DNM2: variants seen among roughly 807,000 people sequenced by gnomAD.
DNM2 encodes dynamin 2.
In DNM2, 15 loss-of-function variants were observed where a neutral mutation model predicts 99.0. That is an observed-to-expected ratio of 0.15 (90% confidence interval 0.10 to 0.23). The LOEUF (loss-of-function observed/expected upper bound fraction) is 0.23, where lower values mean the gene tolerates loss of function less well. Among genes scored for constraint, DNM2 ranks in the 10% least tolerant of loss-of-function variants. The pLI is 1.00. For missense variants in DNM2, 742 were observed against 1,189.4 expected, an observed-to-expected ratio of 0.62 and a Z score of 5.53; for synonymous variants, 525 against 481.2, an observed-to-expected ratio of 1.09 and a Z score of -1.19.
At chr19:10,733,932 T>C (rs1036642442) in intron 1 of DNM2, among the ~76,000 whole-genome samples, 2 of 151,364 alleles carry the variant, frequency 1.3e-5, no homozygotes, top group Non-Finnish European at 2.9e-5. Flanking sequence ...TGCTTAAACC[T>C]GGGAAGCGGA....
rs2071912709 is a variant in DNM2, at chr19:10,795,853, G to A, written c.1196+414G>A. ...GGGTCCCCTCCTTATTCTAACAAAG[G>A]TAGTTGCTCCAGGTGTCTGCCCTTC... On this transcript the variant is annotated intron_variant, in intron 9 of 20. Coordinates refer to ENST00000389253, the MANE Select transcript of DNM2 (RefSeq NM_001005361.3). The surrounding 1 kb of genome is among the most constrained non-coding windows in gnomAD (Gnocchi z 4.2). 4.2e-6 allele frequency: 3 copies of A among 718,668 alleles called. No homozygotes were observed. Among genetic ancestry groups the A allele is most frequent in the East Asian group, 5.2e-5 (2 of 38,134 alleles). 44.5% of individuals were successfully genotyped at this position (718,668 alleles called of 1,614,324 possible).
rs2072944230 is a variant in DNM2 at position 10,820,735 on chromosome 19, G to C, written c.1781+646G>C. On this transcript the variant is annotated intron_variant, in intron 16 of 20. Transcript: ENST00000389253. The surrounding 1 kb of genome is among the most constrained non-coding windows in gnomAD (Gnocchi z 4.3). ...GGGAGGCACCTGGGTAGATCGAGGA[G>C]TGTGATGTCCAGGAACGAGCTCCAG... Among the ~76,000 whole-genome samples the C allele has an allele frequency of 6.6e-6, 1 of 152,160 alleles. No homozygotes were observed. Among genetic ancestry groups the C allele is most frequent in the Admixed American group, 6.5e-5 (1 of 15,276 alleles).
At chr19:10,828,831 A>C in intron 18 of DNM2, 1 of 587,088 alleles carries the variant, frequency 1.7e-6, no homozygotes, top group African/African-American at 1.9e-5. Context: ...AGGCTGAGGC[A>C]GGATAATTAC....
intron 1 of DNM2, among the ~76,000 whole-genome samples, chr19:10,723,565 G>A (rs1002399259): frequency 5.3e-5 from 8 of 152,216 alleles, no homozygotes; most frequent in South Asian, 4.1e-4. Flanking sequence ...ACCGCGCCCA[G>A]CCCCGTCTTC....
chr19:10,782,277 ACC>A (rs1226777012), intron 5 of DNM2, among the ~76,000 whole-genome samples: 1 of 151,702 alleles, frequency 6.6e-6, no homozygotes, highest in Non-Finnish European at 1.5e-5. Context: ...CAAGCGTTCC[ACC>A]CGCCTCGGCC....
At chr19:10,760,397 C>T (rs1205509603) in intron 2 of DNM2, among the ~76,000 whole-genome samples, 1 of 152,048 alleles carries the variant, frequency 6.6e-6, no homozygotes, top group Non-Finnish European at 1.5e-5. Flanking sequence ...CTTTCAAAGT[C>T]AGTAGCAGAC....
rs1436128894 is a variant in DNM2, at chr19:10,830,790, C to T, written c.2544-188C>T. The stretch of plus-strand genomic sequence containing the variant: ...GGAGGGCAGGGGGCTCACTGAGGGT[C>T]AAACAGCAGGCGAGTTGATGCCTAG... On this transcript the variant is annotated intron_variant, in intron 20 of 20. Coordinates refer to ENST00000389253, the MANE Select transcript of DNM2 (RefSeq NM_001005361.3). This position sits in a 1 kb window ranked among gnomAD's most constrained non-coding sequence, Gnocchi z 4.8. 1.3e-5 allele frequency among the ~76,000 whole-genome samples: 2 copies of T among 152,066 alleles called. No homozygotes were observed. The highest frequency in any genetic ancestry group is 2.4e-5 in the African/African-American group (1 of 41,404).
rs148681100 is a variant in DNM2 at position 10,765,249 on chromosome 19, C to T, written c.235+5438C>T. On this transcript the variant is annotated intron_variant, in intron 2 of 20. Coordinates refer to ENST00000389253, the MANE Select transcript of DNM2 (RefSeq NM_001005361.3). The surrounding 1 kb of genome is among the most constrained non-coding windows in gnomAD (Gnocchi z 4.4). ...CTGGGATTACAGGCGTGAGCCACCA[C>T]GCCCGGCCTGTTTTTTCTTAATGGA... Among the ~76,000 whole-genome samples the T allele has an allele frequency of 2.9e-3, 442 of 152,342 alleles. No homozygotes were observed. Among genetic ancestry groups the T allele is most frequent in the African/African-American group, 0.01 (425 of 41,584 alleles).
intron 16 of DNM2, among the ~76,000 whole-genome samples, chr19:10,821,684 A>G (rs1424941579): frequency 1.3e-5 from 2 of 152,104 alleles, no homozygotes; most frequent in African/African-American, 4.8e-5. Flanking sequence ...GGCATGCACC[A>G]CCACGCCTGG....
intron 1 of DNM2, among the ~76,000 whole-genome samples, chr19:10,746,447 G>A (rs1178392739): frequency 6.6e-6 from 1 of 151,832 alleles, no homozygotes; most frequent in Non-Finnish European, 1.5e-5. Context: ...TTTTGAGATG[G>A]AGTTTCACTC....
At chr19:10,719,367 C>A (rs1050314225) in intron 1 of DNM2, among the ~76,000 whole-genome samples, 1 of 152,098 alleles carries the variant, frequency 6.6e-6, no homozygotes, top group African/African-American at 2.4e-5. Context: ...GGCCCGCCTC[C>A]CAGCTACAGC....
At chr19:10,750,518 GT>G (rs1302328148) in intron 1 of DNM2, among the ~76,000 whole-genome samples, 2 of 152,010 alleles carry the variant, frequency 1.3e-5, no homozygotes, top group South Asian at 4.1e-4. Flanking sequence ...ACATATACCT[GT>G]AGTCATAGCT....
At chr19:10,769,529 T>C (rs1025176301) in intron 2 of DNM2, 1 of 152,292 alleles carries the variant, frequency 6.6e-6, no homozygotes, top group Non-Finnish European at 1.5e-5. Context: ...CACCAGCCCA[T>C]CTTCCACGCC....
chr19:10,791,512 G>T (rs1414521571), intron 7 of DNM2, among the ~76,000 whole-genome samples: 1 of 152,144 alleles, frequency 6.6e-6, no homozygotes, highest in East Asian at 1.9e-4. Flanking sequence ...AGGTACAGGG[G>T]GGCAGGATTC....
intron 5 of DNM2, among the ~76,000 whole-genome samples, chr19:10,778,159 C>T (rs528153037): frequency 2.6e-5 from 4 of 151,352 alleles, no homozygotes; most frequent in East Asian, 2.0e-4. Flanking sequence ...CTCAGCCTCC[C>T]GAGTAGCTGG....
chr19:10,802,167 T>C (rs1026303878), intron 11 of DNM2, 121 bp from the exon 12 acceptor site: 5 of 1,014,806 alleles, frequency 4.9e-6, no homozygotes, highest in East Asian at 2.4e-5. Flanking sequence ...CCTGTTCTCC[T>C]GTCTGGGAAG....
rs1238963280 is a variant in DNM2 at position 10,796,717 on chromosome 19, T to C, written c.1197-663T>C. Among the ~76,000 whole-genome samples, 1 of 152,066 alleles carries C rather than the reference T, an allele frequency of 6.6e-6. No homozygotes were observed. The highest frequency in any genetic ancestry group is 1.5e-5 in the Non-Finnish European group (1 of 67,980). ...GTCCTAAGTGCCCCTGCCCACCCCC[T>C]GCACCCCACGCTGTCCCCCAGGGGC... On this transcript the variant is annotated intron_variant, in intron 9 of 20. Transcript: ENST00000389253. The surrounding 1 kb of genome is among the most constrained non-coding windows in gnomAD (Gnocchi z 5.6).
chr19:10,744,239 G>A (rs551587959), intron 1 of DNM2, among the ~76,000 whole-genome samples: 38 of 152,282 alleles, frequency 2.5e-4, no homozygotes, highest in Admixed American at 9.8e-4. Context: ...CAGGGAGCCT[G>A]GGGGAGGCTT....
intron 11 of DNM2, among the ~76,000 whole-genome samples, chr19:10,799,661 G>A (rs2146044891): frequency 6.6e-6 from 1 of 151,050 alleles, no homozygotes; most frequent in East Asian, 2.0e-4. Flanking sequence ...AGCCTCCGAA[G>A]TAGCCAGGAC....
Sources: allele counts gnomAD v4.1 joint callset (sites outside exome capture counted in the v4.1 genomes callset), GRCh38; gene constraint gnomAD v4.1.1; non-coding constraint Gnocchi (gnomAD v3.1); transcripts MANE v1.5; gene names NCBI Gene and HGNC (gene_info 2026-07-23, HGNC 2026-07-21).